The following ITGA11 variants were observed in gnomAD, a reference collection of about 807,000 sequenced individuals.
ITGA11 encodes integrin alpha-11.
In ITGA11, 97 loss-of-function variants were observed where a neutral mutation model predicts 141.9. That is an observed-to-expected ratio of 0.68 (90% confidence interval 0.58 to 0.81). The LOEUF is 0.81. ITGA11 is among the 30% of genes least tolerant of loss of function. The probability of loss-of-function intolerance (pLI) is 0.00; values close to 1 mark genes in which losing one functional copy is unlikely to be tolerated. For missense variants in ITGA11, 1,387 were observed against 1,559.2 expected (o/e 0.89, Z 1.86); for synonymous variants, 658 against 624.6 (o/e 1.05, Z -0.80).
intron 2 of ITGA11, among the ~76,000 whole-genome samples, chr15:68,375,357 C>T (rs1207700576): frequency 1.3e-5 from 2 of 152,214 alleles, no homozygotes; most frequent in Non-Finnish European, 2.9e-5. Context: ...TTTAGTGAGG[C>T]CTTTCTCTCC....
intron 1 of ITGA11, among the ~76,000 whole-genome samples, chr15:68,412,707 G>A (rs1239628284): frequency 3.5e-5 from 4 of 113,376 alleles, no homozygotes; most frequent in East Asian, 2.9e-4. Flanking sequence ...ACAGAGTCTC[G>A]TTCTGTCACC....
intron 11 of ITGA11, among the ~76,000 whole-genome samples, chr15:68,337,235 C>T (rs1894389596): frequency 6.6e-6 from 1 of 152,192 alleles, no homozygotes; most frequent in East Asian, 1.9e-4. Context: ...CACAGAGCTT[C>T]CTGCCTTCCA....
Position 68,389,023 on chromosome 15 carries a change from T to C in ITGA11, c.164+13895A>G, listed in dbSNP as rs144948739. On this transcript the variant is annotated intron_variant, in intron 2 of 29. Coordinates refer to ENST00000315757, the MANE Select transcript of ITGA11 (RefSeq NM_001004439.2). ...TAAACACAGTTTCTTCTTTTCCATC[T>C]CTGTACTCTTTCCCATGCTGTCCCC... Among the ~76,000 whole-genome samples the C allele has an allele frequency of 1.8e-4, 28 of 152,204 alleles. 1 individual carries two copies. Among genetic ancestry groups the C allele is most frequent in the Non-Finnish European group, 8.8e-5 (6 of 68,004 alleles).
chr15:68,369,358 G>A, intron 2 of ITGA11, 74 bp from the exon 3 acceptor site: 2 of 596,134 alleles, frequency 3.4e-6, no homozygotes, highest in Non-Finnish European at 5.9e-6. Flanking sequence ...AGCCTGGTGG[G>A]CAGTGTGGAG....
At chr15:68,316,582 G>A (rs181471057) in intron 21 of ITGA11, among the ~76,000 whole-genome samples, 49 of 152,292 alleles carry the variant, frequency 3.2e-4, no homozygotes, top group Admixed American at 9.1e-4. Flanking sequence ...TCACCAGGGA[G>A]GTGCTTTGCT....
chr15:68,302,663 G>A lies in ITGA11; in HGVS notation c.*396C>T, dbSNP rs1307133677. On this transcript the variant is annotated 3_prime_UTR_variant, in exon 30 of 30. Transcript: ENST00000315757. ...TTCTGGAACTAGAGGCCTGGAGTGT[G>A]CAGATTGGGTTCGTATTTACAGTCT... 5.3e-6 allele frequency: 1 copy of A among 188,456 alleles called. No individual in the cohort carries two copies. 11.7% of individuals were successfully genotyped at this position (188,456 alleles called of 1,614,324 possible).
At position 68,302,055 on chromosome 15, in the gene ITGA11, A is replaced by AGTGTGTGAGT. The variant is rs1893046070; in HGVS notation, c.*1003_*1004insACTCACACAC. On this transcript the variant is annotated 3_prime_UTR_variant, in exon 30 of 30. Coordinates refer to ENST00000315757, the MANE Select transcript of ITGA11 (RefSeq NM_001004439.2). The stretch of plus-strand genomic sequence containing the variant: ...CGGGCATGAGGGAAGGATGGGAGGC[A>AGTGTGTGAGT]GTGTGTGTGTGTGTGTGTGTGTGTG... The AGTGTGTGAGT allele has an allele frequency of 2.9e-5, 3 of 103,876 alleles. No individual in the cohort carries two copies. The highest frequency in any genetic ancestry group is 5.0e-3 in the Middle Eastern group (1 of 202). 6.4% of individuals were successfully genotyped at this position (103,876 alleles called of 1,614,324 possible).
rs1378941265 is a variant in ITGA11, at chr15:68,303,932, TG to T, written c.3382-48del. 14 of 1,285,490 alleles carry T rather than the reference TG, an allele frequency of 1.1e-5. No homozygotes were observed. Among genetic ancestry groups the T allele is most frequent in the Non-Finnish European group, 1.5e-5 (13 of 890,130 alleles). The allele number at this position is 1,285,490 out of a possible 1,614,324, so 79.6% of individuals were successfully genotyped here. On this transcript the variant is annotated intron_variant, in intron 28 of 29. Coordinates refer to ENST00000315757, the MANE Select transcript of ITGA11 (RefSeq NM_001004439.2). This position sits in a 1 kb window ranked among gnomAD's most constrained non-coding sequence, Gnocchi z 5.3. Reference sequence around the variant, plus strand: ...GCCAACAGCATTACTCTTCTGGGGCTGGGGTGGCAGTCTGGGAGGGGCAGGA... The same window carrying T: ...GCCAACAGCATTACTCTTCTGGGGCTGGGTGGCAGTCTGGGAGGGGCAGGA...
chr15:68,354,804 C>T (rs773454396), intron 7 of ITGA11, among the ~76,000 whole-genome samples: 16 of 152,170 alleles, frequency 1.1e-4, no homozygotes, highest in Non-Finnish European at 2.1e-4. Context: ...CCACAGATTA[C>T]CGACATCTTT....
intron 16 of ITGA11, among the ~76,000 whole-genome samples, chr15:68,327,403 CA>C (rs1353584073): frequency 1.1e-4 from 16 of 152,284 alleles, no homozygotes; most frequent in African/African-American, 3.6e-4. Flanking sequence ...TGTCTCCTCT[CA>C]GGGACAGAAG....
At chr15:68,332,882 T>C (rs1894221526) in intron 12 of ITGA11, among the ~76,000 whole-genome samples, 1 of 152,220 alleles carries the variant, frequency 6.6e-6, no homozygotes, top group African/African-American at 2.4e-5. Context: ...CCCTGAGGCA[T>C]GTTGCCTATT....
intron 10 of ITGA11, among the ~76,000 whole-genome samples, chr15:68,343,019 C>G (rs1359281255): frequency 6.7e-6 from 1 of 149,930 alleles, no homozygotes; most frequent in Non-Finnish European, 1.5e-5. Flanking sequence ...CTCTCTCTCT[C>G]TCTCTCTCTC....
chr15:68,332,517 C>T (rs1392309898), intron 12 of ITGA11, 39 bp from the exon 13 acceptor site: 1 of 1,601,410 alleles, frequency 6.2e-7, no homozygotes, highest in South Asian at 1.1e-5. Flanking sequence ...GGCTGGCTGC[C>T]CAGCTCGCAC....
In ITGA11 at chr15:68,305,218, A is replaced by G. The variant is rs942046790; in HGVS notation, c.3382-1333T>C. ...GGCATTGCTATTCCCTCTGCCTGCAAGGGTTTCCCTCACGCAGCCACGAGA... is the reference window on the plus strand; with the variant it reads ...GGCATTGCTATTCCCTCTGCCTGCAGGGGTTTCCCTCACGCAGCCACGAGA... On this transcript the variant is annotated intron_variant, in intron 28 of 29. Transcript: ENST00000315757. This position sits in a 1 kb window ranked among gnomAD's most constrained non-coding sequence, Gnocchi z 4.6. Among the ~76,000 whole-genome samples the G allele has an allele frequency of 7.9e-5, 12 of 152,310 alleles. 1 individual carries two copies. Among genetic ancestry groups the G allele is most frequent in the Admixed American group, 7.2e-4 (11 of 15,302 alleles).
At chr15:68,412,301 A>G (rs952184885) in intron 1 of ITGA11, among the ~76,000 whole-genome samples, 8 of 152,104 alleles carry the variant, frequency 5.3e-5, no homozygotes, top group African/African-American at 1.9e-4. Flanking sequence ...TCAAGATCTC[A>G]TCAGGAAGAC....
chr15:68,353,824 G>A (rs1894987162), intron 7 of ITGA11, among the ~76,000 whole-genome samples: 1 of 152,046 alleles, frequency 6.6e-6, no homozygotes, highest in Non-Finnish European at 1.5e-5. Context: ...TTCTCTCAGG[G>A]AAAGCCCAGA....
At chr15:68,347,115 G>T (rs193275177) in intron 10 of ITGA11, among the ~76,000 whole-genome samples, 1 of 152,174 alleles carries the variant, frequency 6.6e-6, no homozygotes, top group East Asian at 1.9e-4. Context: ...TCCTTGTTGC[G>T]TTTTCTAATC....
chr15:68,396,507 T>C (rs1357207475), intron 2 of ITGA11, among the ~76,000 whole-genome samples: 12 of 152,014 alleles, frequency 7.9e-5, no homozygotes, highest in Admixed American at 7.9e-4. Context: ...TTCACTATCA[T>C]AGCAGAAATA....
intron 1 of ITGA11, among the ~76,000 whole-genome samples, chr15:68,405,703 G>A (rs1045713547): frequency 1.3e-5 from 2 of 150,896 alleles, no homozygotes; most frequent in African/African-American, 2.4e-5. Flanking sequence ...AGAGACAGCA[G>A]TGTCACATGT....
Sources: gnomAD v4.1 joint callset for allele counts (sites outside exome capture counted in the v4.1 genomes callset) on GRCh38, gnomAD v4.1.1 for gene constraint, Gnocchi (gnomAD v3.1) non-coding constraint, MANE v1.5 for transcripts, NCBI Gene and HGNC (gene_info 2026-07-23, HGNC 2026-07-21) for gene names.